Variants in HS6ST3 observed in about 807,000 individuals in gnomAD.
HS6ST3 encodes the protein heparan-sulfate 6-O-sulfotransferase 3.
HS6ST3 carries 12 observed loss-of-function variants against 36.7 expected under a neutral mutation model. That is an observed-to-expected ratio of 0.33 (90% CI 0.21 to 0.53). The LOEUF is 0.53. Among genes scored for constraint, HS6ST3 ranks in the 20% least tolerant of loss-of-function variants. HS6ST3 has a pLI of 0.95. For missense variants in HS6ST3, 584 were observed against 640.9 expected, an observed-to-expected ratio of 0.91 and a Z score of 0.96; for synonymous variants, 240 against 257.5, an observed-to-expected ratio of 0.93 and a Z score of 0.65.
At chr13:96,219,589 T>C (rs1299599468) in intron 1 of HS6ST3, among the ~76,000 whole-genome samples, 1 of 152,234 alleles carries the variant, frequency 6.6e-6, no homozygotes, top group East Asian at 1.9e-4. Context: ...CCTGTGACTG[T>C]ATTTTCAACC....
intron 1 of HS6ST3, among the ~76,000 whole-genome samples, chr13:96,409,380 A>G (rs532587523): frequency 1.3e-5 from 2 of 152,352 alleles, no homozygotes; most frequent in East Asian, 3.9e-4. Flanking sequence ...GGATTAGAGA[A>G]ATTCTGTATA....
At chr13:96,641,262 T>G (rs2056569160) in intron 1 of HS6ST3, among the ~76,000 whole-genome samples, 1 of 151,946 alleles carries the variant, frequency 6.6e-6, no homozygotes, top group South Asian at 2.1e-4. Context: ...CTAGGTACTT[T>G]TTGTTGTTGT....
At chr13:96,464,233 T>TCTTCAGATATTA in intron 1 of HS6ST3, among the ~76,000 whole-genome samples, 1 of 149,504 alleles carries the variant, frequency 6.7e-6, no homozygotes, top group Non-Finnish European at 1.5e-5. Context: ...TGATGATTGC[T>TCTTCAGATATTA]TCCTTACCCC....
intron 1 of HS6ST3, among the ~76,000 whole-genome samples, chr13:96,680,516 G>A (rs896905947): frequency 6.6e-6 from 1 of 152,132 alleles, no homozygotes; most frequent in African/African-American, 2.4e-5. Context: ...GGGGGTTAGA[G>A]GGAAGAGGAC....
At chr13:96,821,204 T>A (rs997972248) in intron 1 of HS6ST3, among the ~76,000 whole-genome samples, 7 of 152,222 alleles carry the variant, frequency 4.6e-5, no homozygotes, top group Non-Finnish European at 8.8e-5. Flanking sequence ...ACTCCTGTGC[T>A]AAAGTAGAAC....
intron 1 of HS6ST3, among the ~76,000 whole-genome samples, chr13:96,654,564 C>T (rs1337069269): frequency 6.6e-6 from 1 of 152,082 alleles, no homozygotes; most frequent in African/African-American, 2.4e-5. Context: ...TTCCCTTGGT[C>T]TATATATCTG....
Position 96,316,256 on chromosome 13 carries a change from C to CCT in HS6ST3, c.707+224688_707+224689dup, listed in dbSNP as rs1449905833. ...TGCATATACACATGCACTACATACA[C>CCT]CTGTGTGTGTGTGTGTGTGTGTGTG... On this transcript the variant is annotated intron_variant, in intron 1 of 1. Coordinates refer to ENST00000376705, the MANE Select transcript of HS6ST3 (RefSeq NM_153456.4). Among the ~76,000 whole-genome samples, 4 of 112,264 alleles carry CCT rather than the reference C, an allele frequency of 3.6e-5. No homozygotes were observed. In the South Asian group the frequency reaches 1.2e-3, roughly 35 times the overall value. 73.6% of individuals were successfully genotyped at this position (112,264 alleles called of 152,430 possible). A position where few individuals can be genotyped will look rare whatever the true frequency, so the allele number is the denominator to read the frequency against.
At chr13:96,503,701 T>A (rs759663792) in intron 1 of HS6ST3, among the ~76,000 whole-genome samples, 12 of 152,182 alleles carry the variant, frequency 7.9e-5, no homozygotes, top group Non-Finnish European at 1.5e-4. Context: ...CTCACATTCA[T>A]TGAGCGGTTC....
intron 1 of HS6ST3, among the ~76,000 whole-genome samples, chr13:96,339,894 G>A (rs777515722): frequency 6.6e-6 from 1 of 152,158 alleles, no homozygotes; most frequent in Non-Finnish European, 1.5e-5. Context: ...GAAGGCAGAC[G>A]ATCAAGAAAT....
intron 1 of HS6ST3, among the ~76,000 whole-genome samples, chr13:96,611,139 TTTA>T (rs1227194041): frequency 6.7e-6 from 1 of 150,374 alleles, no homozygotes; most frequent in Non-Finnish European, 1.5e-5. Flanking sequence ...AATTTATTTA[TTTA>T]TTATTATTAT....
chr13:96,384,666 C>G (rs2055358541), intron 1 of HS6ST3, among the ~76,000 whole-genome samples: 1 of 152,142 alleles, frequency 6.6e-6, no homozygotes, highest in East Asian at 1.9e-4. Flanking sequence ...TAACATGGAA[C>G]TCAGGCTTTG....
At chr13:96,644,779 C>A (rs528610414) in intron 1 of HS6ST3, among the ~76,000 whole-genome samples, 1 of 152,058 alleles carries the variant, frequency 6.6e-6, no homozygotes, top group Admixed American at 6.6e-5. Context: ...AATTGCCAGA[C>A]CCTCTTGTTG....
Position 96,434,922 on chromosome 13 carries a change from A to G in HS6ST3, c.707+343353A>G, listed in dbSNP as rs911728989. Among the ~76,000 whole-genome samples, 4 of 152,170 alleles carry G rather than the reference A, an allele frequency of 2.6e-5. No individual in the cohort carries two copies. The East Asian group carries it at 7.7e-4, about 29-fold the overall frequency. On this transcript the variant is annotated intron_variant, in intron 1 of 1. Coordinates refer to ENST00000376705, the MANE Select transcript of HS6ST3 (RefSeq NM_153456.4). ...ATGCCTTCTTTCTTGATCAAATAAT[A>G]CTGGTTGCCCCTATAATGGAGTTGT...
At chr13:96,574,223 G>A (rs937911014) in intron 1 of HS6ST3, 1 of 483,550 alleles carries the variant, frequency 2.1e-6, no homozygotes, top group Non-Finnish European at 4.1e-6. Flanking sequence ...TAACTTTGAG[G>A]ATGCTAGTGA....
At chr13:96,273,332 T>A (rs537979475) in intron 1 of HS6ST3, among the ~76,000 whole-genome samples, 1 of 152,096 alleles carries the variant, frequency 6.6e-6, no homozygotes, top group Admixed American at 6.6e-5. Context: ...TGCTAGGACA[T>A]TTTTCCCTCT....
intron 1 of HS6ST3, among the ~76,000 whole-genome samples, chr13:96,287,977 G>A (rs2139397467): frequency 6.6e-6 from 1 of 152,292 alleles, no homozygotes; most frequent in South Asian, 2.1e-4. Context: ...CAAGTTTGAA[G>A]CTTTGTATGC....
chr13:96,700,734 G>A (rs1032473432), intron 1 of HS6ST3, among the ~76,000 whole-genome samples: 1 of 152,164 alleles, frequency 6.6e-6, no homozygotes, highest in East Asian at 1.9e-4. Context: ...AGGAGAAATA[G>A]AATTTAATTC....
intron 1 of HS6ST3, among the ~76,000 whole-genome samples, chr13:96,441,193 A>G (rs1382603611): frequency 2.0e-5 from 3 of 152,210 alleles, no homozygotes; most frequent in Non-Finnish European, 4.4e-5. Context: ...TAGAACTGTG[A>G]CAAATAAATG....
chr13:96,540,312 A>C (rs1860013155), intron 1 of HS6ST3, among the ~76,000 whole-genome samples: 1 of 152,192 alleles, frequency 6.6e-6, no homozygotes, highest in Non-Finnish European at 1.5e-5. Flanking sequence ...ACCTTTCCCT[A>C]AATGCCCATT....
Sources: gnomAD v4.1 joint callset for allele counts (sites outside exome capture counted in the v4.1 genomes callset) on GRCh38, gnomAD v4.1.1 for gene constraint, MANE v1.5 for transcripts, NCBI Gene and HGNC (gene_info 2026-07-23, HGNC 2026-07-21) for gene names.